The following USHBP1 variants were observed in gnomAD, a reference collection of about 807,000 sequenced individuals.
USHBP1 encodes the protein USH1 protein network component harmonin binding protein 1.
In USHBP1, 67 loss-of-function variants were observed where a neutral mutation model predicts 76.2. That is an observed-to-expected ratio of 0.88 (90% CI 0.72 to 1.08). The LOEUF is 1.08. USHBP1 is among the 50% of genes least tolerant of loss of function. USHBP1 has a pLI of 0.00. For missense variants in USHBP1, 931 were observed against 915.0 expected, an observed-to-expected ratio of 1.02 and a Z score of -0.23; for synonymous variants, 322 against 362.2, an observed-to-expected ratio of 0.89 and a Z score of 1.26.
Position 17,251,893 on chromosome 19 carries a change from C to T in USHBP1, c.1799+18G>A. On this transcript the variant is annotated intron_variant, in intron 11 of 12. Transcript: ENST00000252597. ...CTGCCTGCCCACCCCCCGCACAGCCCAGGACCCAGGCACACACCTGGTGAG... is the reference window on the plus strand; with the variant it reads ...CTGCCTGCCCACCCCCCGCACAGCCTAGGACCCAGGCACACACCTGGTGAG... The T allele has an allele frequency of 2.0e-6, 3 of 1,533,506 alleles. No homozygotes were observed. Among genetic ancestry groups the T allele is most frequent in the African/African-American group, 2.7e-5 (2 of 73,022 alleles). 95.0% of individuals were successfully genotyped at this position (1,533,506 alleles called of 1,614,324 possible).
chr19:17,256,518 GA>G lies in USHBP1; in HGVS notation c.1422del (p.Arg476AspfsTer21), dbSNP rs1568324529. On this transcript the variant is annotated frameshift_variant, in exon 9 of 13. Coordinates refer to ENST00000252597, the MANE Select transcript of USHBP1 (RefSeq NM_031941.4). LOFTEE classifies it high-confidence loss of function. ...AILGTQAGPA[L>X]PRLEKTQIQQ... is the part of the protein sequence containing the mutation. ...TGAATTTGTGTCTTCTCCAGTCGGGGAAGAGCTGGGCCAGCCTGGGTCCCCA... is the reference window on the plus strand; with the variant it reads ...TGAATTTGTGTCTTCTCCAGTCGGGGAGAGCTGGGCCAGCCTGGGTCCCCA... 1 of 1,614,002 alleles carries G rather than the reference GA, an allele frequency of 6.2e-7. No individual in the cohort carries two copies. Among genetic ancestry groups the G allele is most frequent in the Admixed American group, 1.7e-5 (1 of 60,012 alleles).
At chr19:17,259,178 A>G (rs2073657403) in intron 7 of USHBP1, 111 bp downstream of exon 7, 6 of 1,432,904 alleles carry the variant, frequency 4.2e-6, no homozygotes, top group Non-Finnish European at 4.6e-6. Flanking sequence ...AAAAAAAATT[A>G]ATTTCTGAAG....
chr19:17,263,917 G>A (rs8112782), intron 3 of USHBP1, 85 bp downstream of exon 3: 2 of 1,427,382 alleles, frequency 1.4e-6, no homozygotes, highest in East Asian at 5.0e-5. Context: ...GTAGGTGTGT[G>A]AGCAGAGCAG....
In USHBP1 at chr19:17,250,004, T is replaced by A. The variant is rs956642002; in HGVS notation, c.*221A>T. 4 of 575,316 alleles carry A rather than the reference T, an allele frequency of 7.0e-6. No homozygotes were observed. The highest frequency in any genetic ancestry group is 1.2e-5 in the Non-Finnish European group (4 of 330,358). 35.6% of individuals were successfully genotyped at this position (575,316 alleles called of 1,614,324 possible). A position where few individuals can be genotyped will look rare whatever the true frequency, so the allele number is the denominator to read the frequency against. The stretch of plus-strand genomic sequence containing the variant: ...TGCTTCTGGCCTGACCCCACTGATA[T>A]GAAGTTCACATTCCACTTGGTGCCA... On this transcript the variant is annotated 3_prime_UTR_variant, in exon 13 of 13. Transcript: ENST00000252597.
At chr19:17,263,778 TC>T (rs2073719151) in intron 3 of USHBP1, 1 of 519,704 alleles carries the variant, frequency 1.9e-6, no homozygotes, top group Admixed American at 3.8e-5. Context: ...AAGCTGAGGC[TC>T]CCGCTTGAAC....
intron 9 of USHBP1, 69 bp from the exon 10 acceptor site, chr19:17,255,675 A>G: frequency 6.8e-7 from 1 of 1,471,566 alleles, no homozygotes; most frequent in Non-Finnish European, 9.2e-7. Flanking sequence ...TGAGGCCCCA[A>G]GAGGCACCCA....
Position 17,249,523 on chromosome 19 carries a change from C to A in USHBP1, c.*702G>T. 1 of 142,388 alleles carries A rather than the reference C, an allele frequency of 7.0e-6. No individual in the cohort carries two copies. Among genetic ancestry groups the A allele is most frequent in the Non-Finnish European group, 1.5e-5 (1 of 67,900 alleles). 8.8% of individuals were successfully genotyped at this position (142,388 alleles called of 1,614,324 possible). ...TTTTTTTTTGAGACAAGGTCTTACT[C>A]TGTGACCCAGACTGGAGTGCAGTGG... On this transcript the variant is annotated 3_prime_UTR_variant, in exon 13 of 13. Transcript: ENST00000252597.
Position 17,252,003 on chromosome 19 carries a change from G to A in USHBP1, c.1707C>T (p.Val569=). 1 of 1,548,960 alleles carries A rather than the reference G, an allele frequency of 6.5e-7. No homozygotes were observed. Among genetic ancestry groups the A allele is most frequent in the Non-Finnish European group, 8.7e-7 (1 of 1,147,208 alleles). The change falls in exon 11 of 13, where the codon GTC becomes GTT. Residue 569 remains valine (V), a synonymous_variant. Transcript: ENST00000252597. ...CATCAATGCCACTGGTGCCACCAGG[G>A]ACAGCAGGAAGGCCCTAAGGGAGGC... ...EEEWYQGLPA[V]PGGTSGIDGG... is the part of the protein sequence containing the mutation.
At chr19:17,258,832 G>A (rs1599473864) in intron 7 of USHBP1, 2 of 241,876 alleles carry the variant, frequency 8.3e-6, no homozygotes, top group South Asian at 4.5e-5. Flanking sequence ...AGCTCTGGAA[G>A]CATGCAGACT....
Position 17,251,659 on chromosome 19 carries a change from C to T in USHBP1, c.1845G>A (p.Leu615=), listed in dbSNP as rs2073553543. Residue 615 remains leucine, a synonymous_variant, in exon 12 of 13, where the codon CTG becomes CTA. Transcript: ENST00000252597. ...QEQLQSLRRE[L]EQVAQKGRAR... is the part of the protein sequence containing the mutation. ...CTCGCCCCTTCTGAGCCACCTGTTC[C>T]AGCTCCCTGCGCAGAGACTGCAGCT... The T allele has an allele frequency of 1.2e-6, 2 of 1,613,802 alleles. No homozygotes were observed. The highest frequency in any genetic ancestry group is 2.2e-5 in the South Asian group (2 of 91,092).
intron 2 of USHBP1, 43 bp downstream of exon 2, chr19:17,264,203 G>C: frequency 6.2e-7 from 1 of 1,613,184 alleles, no homozygotes; most frequent in East Asian, 2.2e-5. Context: ...AGGACCTTGG[G>C]GTCCCCAGGA....
At chr19:17,259,497 C>G in intron 6 of USHBP1, 68 bp from the exon 7 acceptor site, 1 of 1,608,010 alleles carries the variant, frequency 6.2e-7, no homozygotes, top group Non-Finnish European at 8.5e-7. Context: ...CAATTTCCAC[C>G]CTTTCCCTCC....
intron 8 of USHBP1, among the ~76,000 whole-genome samples, 196 bp from the exon 9 acceptor site, chr19:17,256,916 C>T (rs1045926357): frequency 1.8e-4 from 27 of 151,806 alleles, no homozygotes; most frequent in Admixed American, 1.1e-3. Context: ...TGGCCAGGTG[C>T]GGTGATGCAT....
At chr19:17,257,526 C>T (rs2073634919) in intron 8 of USHBP1, among the ~76,000 whole-genome samples, 1 of 150,322 alleles carries the variant, frequency 6.7e-6, no homozygotes, top group Non-Finnish European at 1.5e-5. Context: ...CCTGTAATCC[C>T]AGCTACTCGG....
chr19:17,251,176 T>G (rs1353505190), intron 12 of USHBP1, among the ~76,000 whole-genome samples: 2 of 150,690 alleles, frequency 1.3e-5, no homozygotes, highest in East Asian at 1.9e-4. Context: ...GTTGTTTTTT[T>G]TTTTTTTTTT....
chr19:17,251,595 A>G lies in USHBP1; in HGVS notation c.1909T>C (p.Cys637Arg), dbSNP rs148037291. ...GAACAGTCCTACCTGTGGGCTTTGC[A>G]TAAATCCCTGTTCAGCTCGGCACTC... is the stretch of plus-strand genomic sequence containing the variant. ...SQSAELNRDL[C>R]KAHSALVLAF... The change falls in exon 12 of 13, where the codon TGC (cysteine) becomes CGC (arginine). Residue 637 changes from cysteine to arginine, a missense_variant. By Grantham distance (180) the Cys-to-Arg change is radical. Coordinates refer to ENST00000252597, the MANE Select transcript of USHBP1 (RefSeq NM_031941.4). The G allele has an allele frequency of 4.3e-5, 69 of 1,613,824 alleles. 1 individual carries two copies. Among genetic ancestry groups the G allele is most frequent in the East Asian group, 1.6e-4 (7 of 44,878 alleles).
intron 7 of USHBP1, among the ~76,000 whole-genome samples, chr19:17,259,052 C>G (rs2073656212): frequency 6.6e-6 from 1 of 152,050 alleles, no homozygotes. Flanking sequence ...GTAATCCCAG[C>G]TACTCAGGAG....
intron 9 of USHBP1, 55 bp downstream of exon 9, chr19:17,256,416 A>G (rs1405304512): frequency 6.2e-7 from 1 of 1,601,504 alleles, no homozygotes; most frequent in Non-Finnish European, 8.5e-7. Flanking sequence ...CGACCTCAGT[A>G]AAGGATTTTG....
rs905878664 is a variant in USHBP1 at position 17,264,661 on chromosome 19, C to A, written c.-49+10G>T. On this transcript the variant is annotated intron_variant, in intron 1 of 12. Transcript: ENST00000252597. ...CGGCCCTCCTAAATGAGAGGTTCAGCTCTCTCTACCTCTCTGATCCTCTGG... is the reference window on the plus strand; with the variant it reads ...CGGCCCTCCTAAATGAGAGGTTCAGATCTCTCTACCTCTCTGATCCTCTGG... The A allele has an allele frequency of 2.7e-5, 8 of 291,038 alleles. No homozygotes were observed. The highest frequency in any genetic ancestry group is 3.9e-5 in the Non-Finnish European group (6 of 153,298). 18.0% of individuals were successfully genotyped at this position (291,038 alleles called of 1,614,324 possible). A position where few individuals can be genotyped will look rare whatever the true frequency, so the allele number is the denominator to read the frequency against.
Sources: allele counts gnomAD v4.1 joint callset (sites outside exome capture counted in the v4.1 genomes callset), GRCh38; gene constraint gnomAD v4.1.1; transcripts MANE v1.5; gene names NCBI Gene and HGNC (gene_info 2026-07-23, HGNC 2026-07-21).